The following ZNF423 variants were observed in gnomAD, a reference collection of about 807,000 sequenced individuals.
ZNF423 encodes the protein Ebf-associated zinc finger protein.
Under a neutral mutation model 95.8 loss-of-function variants are expected in ZNF423, and 12 were observed. The ratio of observed to expected loss-of-function variants is 0.13; its 90% confidence interval spans 0.08 to 0.20. The LOEUF (loss-of-function observed/expected upper bound fraction) is 0.20, where lower values mean the gene tolerates loss of function less well. Among genes scored for constraint, ZNF423 ranks in the 10% least tolerant of loss-of-function variants. The probability of loss-of-function intolerance (pLI) is 1.00; values close to 1 mark genes in which losing one functional copy is unlikely to be tolerated. For missense variants in ZNF423, 1,316 were observed against 1,737.1 expected (o/e 0.76, Z 4.31); for synonymous variants, 749 against 711.9 (o/e 1.05, Z -0.83).
At chr16:49,719,800 C>T (rs2143246958) in intron 3 of ZNF423, among the ~76,000 whole-genome samples, 1 of 152,336 alleles carries the variant, frequency 6.6e-6, no homozygotes, top group African/African-American at 2.4e-5. Flanking sequence ...AACCTCTTTT[C>T]TTCATCAATT....
intron 2 of ZNF423, among the ~76,000 whole-genome samples, chr16:49,777,443 T>C (rs1471281750): frequency 6.6e-6 from 1 of 152,226 alleles, no homozygotes; most frequent in Non-Finnish European, 1.5e-5. Flanking sequence ...GTGTATGTTG[T>C]GTGTGCACAT....
rs556086241 is a variant in ZNF423 at position 49,518,181 on chromosome 16, C to T, written c.3849+5443G>A. 412 of 384,364 alleles carry T rather than the reference C, an allele frequency of 1.1e-3. 2 individuals are homozygous for T. The highest frequency in any genetic ancestry group is 7.9e-3 in the African/African-American group (377 of 47,680). 23.8% of individuals were successfully genotyped at this position (384,364 alleles called of 1,614,324 possible). A position where few individuals can be genotyped will look rare whatever the true frequency, so the allele number is the denominator to read the frequency against. ...AAGATATTTGCATCCTTGGAATCTA[C>T]ATAACCTGTGTTGACCACATGCACT... On this transcript the variant is annotated intron_variant, in intron 7 of 7. Transcript: ENST00000563137.
chr16:49,552,902 C>G (rs926280879), intron 5 of ZNF423, among the ~76,000 whole-genome samples: 5 of 151,840 alleles, frequency 3.3e-5, no homozygotes, highest in African/African-American at 1.2e-4. Context: ...AGAAGAGACC[C>G]GACCCCACCT....
intron 5 of ZNF423, among the ~76,000 whole-genome samples, chr16:49,568,645 G>A (rs1398252107): frequency 6.6e-6 from 1 of 152,064 alleles, no homozygotes; most frequent in East Asian, 1.9e-4. Flanking sequence ...TACATCGATG[G>A]TCTGAACAAA....
At chr16:49,662,996 C>CT (rs2030323469) in intron 3 of ZNF423, among the ~76,000 whole-genome samples, 1 of 152,170 alleles carries the variant, frequency 6.6e-6, no homozygotes, top group Non-Finnish European at 1.5e-5. Context: ...ACTCTGGTCT[C>CT]TCAACCTCTC....
chr16:49,574,758 T>C (rs1970446201), intron 5 of ZNF423, among the ~76,000 whole-genome samples: 1 of 152,060 alleles, frequency 6.6e-6, no homozygotes, highest in African/African-American at 2.4e-5. Flanking sequence ...CTGCTTTCCC[T>C]CTCTCCTGGA....
chr16:49,633,446 C>T (rs1440320247), intron 4 of ZNF423, among the ~76,000 whole-genome samples: 1 of 152,136 alleles, frequency 6.6e-6, no homozygotes, highest in Non-Finnish European at 1.5e-5. Flanking sequence ...GTTAAAAAAC[C>T]AGAGAGGCCC....
At chr16:49,520,902 A>T (rs925124151) in intron 7 of ZNF423, among the ~76,000 whole-genome samples, 1 of 152,270 alleles carries the variant, frequency 6.6e-6, no homozygotes, top group African/African-American at 2.4e-5. Flanking sequence ...TTCCGTATTT[A>T]AACGGTCTAT....
At chr16:49,588,016 C>A (rs1387558839) in intron 5 of ZNF423, among the ~76,000 whole-genome samples, 2 of 152,308 alleles carry the variant, frequency 1.3e-5, no homozygotes, top group Middle Eastern at 3.4e-3. Context: ...ATGTGTCTAC[C>A]TCTCCCATCA....
chr16:49,717,950 C>T (rs1371206584), intron 3 of ZNF423, among the ~76,000 whole-genome samples: 1 of 152,206 alleles, frequency 6.6e-6, no homozygotes, highest in Non-Finnish European at 1.5e-5. Context: ...ACTGGACTAC[C>T]CCACAGAGGG....
rs1972708056 is a variant in ZNF423, at chr16:49,636,424, T to C, written c.2752A>G (p.Asn918Asp). ...CCATCATCCTCGCCCGGCCGGATAT[T>C]GTGGTCCCGCAGCCGGTGATTCTGC... The part of the protein sequence containing the change: ...LLQNHRLRDH[N>D]IRPGEDDGSR... The change falls in exon 4 of 8, where the codon AAT becomes GAT. Residue 918 changes from asparagine to aspartate, a missense_variant. This residue lies in a region of ZNF423 where 620 missense variants were observed against 775.6 expected (regional missense o/e 0.80). Coordinates refer to ENST00000563137, the MANE Select transcript of ZNF423 (RefSeq NM_001379286.1). This position sits in a 1 kb window ranked among gnomAD's most constrained non-coding sequence, Gnocchi z 8.6. 2 of 1,613,420 alleles carry C rather than the reference T, an allele frequency of 1.2e-6. No homozygotes were observed. The highest frequency in any genetic ancestry group is 2.2e-5 in the East Asian group (1 of 44,878).
At chr16:49,520,343 G>A (rs1416444336) in intron 7 of ZNF423, among the ~76,000 whole-genome samples, 1 of 152,168 alleles carries the variant, frequency 6.6e-6, no homozygotes, top group Non-Finnish European at 1.5e-5. Context: ...AGAGCCCTCC[G>A]AACTTGGAAT....
At chr16:49,856,484 A>T (rs1208920420), upstream of ZNF423, among the ~76,000 whole-genome samples, 2 of 150,394 alleles carry the variant, frequency 1.3e-5, no homozygotes, top group African/African-American at 4.9e-5. Context: ...AAAAATAATA[A>T]ATATTAATGG....
chr16:49,705,802 C>T (rs997403908), intron 3 of ZNF423, among the ~76,000 whole-genome samples: 1 of 152,232 alleles, frequency 6.6e-6, no homozygotes, highest in Non-Finnish European at 1.5e-5. Context: ...CCCACCTTGG[C>T]CTCCCAAAGT....
chr16:49,675,974 A>G (rs2031030001), intron 3 of ZNF423, among the ~76,000 whole-genome samples: 2 of 152,206 alleles, frequency 1.3e-5, no homozygotes, highest in Admixed American at 1.3e-4. Flanking sequence ...ATACATATGC[A>G]TGGACACACT....
chr16:49,766,210 C>T (rs2033926090), intron 2 of ZNF423, among the ~76,000 whole-genome samples: 1 of 152,064 alleles, frequency 6.6e-6, no homozygotes, highest in Admixed American at 6.5e-5. Flanking sequence ...AACATAGGAC[C>T]AAATGCAATT....
At chr16:49,724,927 T>C (rs555961145) in intron 3 of ZNF423, among the ~76,000 whole-genome samples, 11 of 152,324 alleles carry the variant, frequency 7.2e-5, no homozygotes, top group Admixed American at 3.3e-4. Context: ...CTTGTTTTTT[T>C]GGAAGTTGAG....
At chr16:49,604,513 C>T (rs1030583521) in intron 5 of ZNF423, among the ~76,000 whole-genome samples, 4 of 152,114 alleles carry the variant, frequency 2.6e-5, no homozygotes, top group Non-Finnish European at 5.9e-5. Flanking sequence ...GGCCTCGTTT[C>T]TAGTCTCCAT....
At chr16:49,538,645 C>T (rs1028647845) in intron 5 of ZNF423, among the ~76,000 whole-genome samples, 4 of 152,124 alleles carry the variant, frequency 2.6e-5, no homozygotes, top group South Asian at 2.1e-4. Context: ...TACTTTTGGC[C>T]GCACCCAGCT....
Sources: gnomAD v4.1 joint callset for allele counts (sites outside exome capture counted in the v4.1 genomes callset) on GRCh38, gnomAD v4.1.1 for gene constraint, gnomAD v4.1.1 regional missense constraint, Gnocchi (gnomAD v3.1) non-coding constraint, MANE v1.5 for transcripts, NCBI Gene and HGNC (gene_info 2026-07-23, HGNC 2026-07-21) for gene names.